CREB3L2: variants seen among roughly 807,000 people sequenced by gnomAD.
The protein encoded by CREB3L2 is cAMP responsive element binding protein 3 like 2, also known as cyclic AMP-responsive element-binding protein 3-like protein 2.
Under a neutral mutation model 57.2 loss-of-function variants are expected in CREB3L2, and 23 were observed. The observed-to-expected ratio is 0.40, with a 90% CI of 0.29 to 0.57. CREB3L2 has a LOEUF of 0.57. Ranked by LOEUF, CREB3L2 falls within the 20% of genes least tolerant of loss-of-function variation. The pLI is 0.42. For missense variants in CREB3L2, 628 were observed against 634.7 expected (o/e 0.99, Z 0.11); for synonymous variants, 268 against 265.1 (o/e 1.01, Z -0.11).
Position 137,912,424 on chromosome 7 carries a change from A to G in CREB3L2, c.583+567T>C, listed in dbSNP as rs374665168. On this transcript the variant is annotated intron_variant, in intron 4 of 11. Transcript: ENST00000330387. ...ATCACCTCAAGGATGTGTTAATTCT[A>G]AATGGATGGATGTCAAGAAGCCCAA... 4.6e-5 allele frequency among the ~76,000 whole-genome samples: 7 copies of G among 152,204 alleles called. No individual in the cohort carries two copies. In the East Asian group the frequency reaches 1.2e-3, roughly 25 times the overall value.
intron 7 of CREB3L2, among the ~76,000 whole-genome samples, chr7:137,903,470 C>T (rs960006570): frequency 2.6e-5 from 4 of 151,678 alleles, no homozygotes; most frequent in African/African-American, 9.7e-5. Context: ...ACAAAGATTG[C>T]CTTCAAGTGT....
intron 3 of CREB3L2, among the ~76,000 whole-genome samples, chr7:137,913,844 C>G (rs996523582): frequency 1.3e-5 from 2 of 152,128 alleles, no homozygotes; most frequent in Admixed American, 6.5e-5. Flanking sequence ...TAGAGCGTAA[C>G]TGTGCATTTG....
chr7:137,903,878 T>C, intron 7 of CREB3L2, 81 bp downstream of exon 7: 1 of 1,227,268 alleles, frequency 8.1e-7, no homozygotes, highest in Non-Finnish European at 1.2e-6. Context: ...GGAATTGAAC[T>C]GCTTCTCCCC....
intron 2 of CREB3L2, 145 bp from the exon 3 acceptor site, chr7:137,916,157 A>T (rs2117220247): frequency 3.3e-6 from 2 of 602,318 alleles, no homozygotes; most frequent in South Asian, 2.4e-5. Flanking sequence ...TATGTGAGGG[A>T]AAAGATTGAT....
At position 137,980,053 on chromosome 7, in the gene CREB3L2, T is replaced by G. The variant is rs180873927; in HGVS notation, c.102+21551A>C. 1.3e-5 allele frequency among the ~76,000 whole-genome samples: 2 copies of G among 152,328 alleles called. No homozygotes were observed. The highest frequency in any genetic ancestry group is 4.8e-5 in the African/African-American group (2 of 41,574). ...GCAGTTCTCAAATTTTACATGCACA[T>G]GGATCATCTGGGGATCTTCAGATTA... On this transcript the variant is annotated intron_variant, in intron 1 of 11. Coordinates refer to ENST00000330387, the MANE Select transcript of CREB3L2 (RefSeq NM_194071.4). The surrounding 1 kb of genome is among the most constrained non-coding windows in gnomAD (Gnocchi z 4.3).
chr7:137,892,384 C>T (rs1026638375), intron 8 of CREB3L2, among the ~76,000 whole-genome samples: 1 of 151,578 alleles, frequency 6.6e-6, no homozygotes, highest in East Asian at 1.9e-4. Flanking sequence ...GGCACGGTAG[C>T]TCATGCCTAT....
chr7:138,001,466 C>T lies in CREB3L2; in HGVS notation c.102+138G>A, dbSNP rs1360037052. ...TCATCTGCTCAGACATTAAAGTACA[C>T]CTCGCCCAGGACCTCTTGATTCTGA... On this transcript the variant is annotated intron_variant, in intron 1 of 11. Coordinates refer to ENST00000330387, the MANE Select transcript of CREB3L2 (RefSeq NM_194071.4). This position sits in a 1 kb window ranked among gnomAD's most constrained non-coding sequence, Gnocchi z 4.2. 8.2e-6 allele frequency: 5 copies of T among 611,328 alleles called. No individual in the cohort carries two copies. The highest frequency in any genetic ancestry group is 6.1e-5 in the South Asian group (3 of 49,076). The allele number at this position is 611,328 out of a possible 1,614,324, so 37.9% of individuals were successfully genotyped here.
chr7:137,922,396 A>ATGTATATATATATATG (rs1800318066), intron 2 of CREB3L2, among the ~76,000 whole-genome samples: 1 of 18,906 alleles, frequency 5.3e-5, no homozygotes, highest in Admixed American at 7.5e-4. Flanking sequence ...ATATATATAT[A>ATGTATATATATATATG]TATATATATA....
intron 2 of CREB3L2, among the ~76,000 whole-genome samples, chr7:137,925,944 C>T (rs1347618947): frequency 2.6e-5 from 4 of 152,202 alleles, no homozygotes; most frequent in Non-Finnish European, 4.4e-5. Flanking sequence ...AAATTACCAG[C>T]ACGGCCTGTC....
At chr7:137,965,779 T>C (rs1006147967) in intron 1 of CREB3L2, among the ~76,000 whole-genome samples, 3 of 152,212 alleles carry the variant, frequency 2.0e-5, no homozygotes, top group Non-Finnish European at 4.4e-5. Context: ...TGGGATTCTA[T>C]GCCTGAGGAG....
chr7:137,966,284 T>C (rs1298287546), intron 1 of CREB3L2, among the ~76,000 whole-genome samples: 1 of 152,248 alleles, frequency 6.6e-6, no homozygotes, highest in African/African-American at 2.4e-5. Flanking sequence ...ATAGATTATA[T>C]GTTACTTGCT....
At chr7:137,918,399 C>A (rs556708832) in intron 2 of CREB3L2, among the ~76,000 whole-genome samples, 8 of 152,174 alleles carry the variant, frequency 5.3e-5, no homozygotes, top group African/African-American at 1.7e-4. Context: ...TCATGTTGAC[C>A]AGGCTGGTCT....
intron 4 of CREB3L2, chr7:137,912,731 A>G: frequency 9.6e-7 from 1 of 1,038,122 alleles, no homozygotes; most frequent in Non-Finnish European, 1.4e-6. Context: ...AAGTTTTGAA[A>G]AATATCACCC....
intron 8 of CREB3L2, among the ~76,000 whole-genome samples, chr7:137,899,096 A>AAGGAAGGAAGGAAGGAAG (rs1799690655): frequency 3.6e-5 from 3 of 83,776 alleles, no homozygotes; most frequent in South Asian, 4.8e-4. Flanking sequence ...AAAAGGAAAG[A>AAGGAAGGAAGGAAGGAAG]GAAGGAAGGA....
chr7:137,933,494 T>C (rs893176627), intron 1 of CREB3L2, among the ~76,000 whole-genome samples: 1 of 152,262 alleles, frequency 6.6e-6, no homozygotes, highest in Non-Finnish European at 1.5e-5. Flanking sequence ...ATAAACGTTC[T>C]CTAACTCTGC....
chr7:137,929,212 G>A lies in CREB3L2; in HGVS notation c.103-846C>T, dbSNP rs116278526. Among the ~76,000 whole-genome samples, 1,027 of 152,052 alleles carry A rather than the reference G, an allele frequency of 6.8e-3. 17 individuals carry two copies. The highest frequency in any genetic ancestry group is 0.024 in the African/African-American group (993 of 41,470). On this transcript the variant is annotated intron_variant, in intron 1 of 11. Transcript: ENST00000330387. The stretch of plus-strand genomic sequence containing the variant: ...TAGGACTAGCCCATATAAATTCCCC[G>A]GGATTCCCATATCCCCTGTGACACT...
intron 6 of CREB3L2, 58 bp downstream of exon 6, chr7:137,905,644 A>T (rs894336758): frequency 1.3e-6 from 2 of 1,578,878 alleles, no homozygotes; most frequent in African/African-American, 2.7e-5. Context: ...AGGGAAAGGG[A>T]TGCTGACTCG....
chr7:137,886,566 G>A (rs1799424831), intron 8 of CREB3L2, among the ~76,000 whole-genome samples: 1 of 143,568 alleles, frequency 7.0e-6, no homozygotes, highest in African/African-American at 2.8e-5. Context: ...GTTCTTAAAC[G>A]CTCACAGCAC....
rs922513266 is a variant in CREB3L2, at chr7:137,878,646, G to A, written c.*1830C>T. 6.4e-5 allele frequency: 15 copies of A among 233,582 alleles called. No individual in the cohort carries two copies. Among genetic ancestry groups the A allele is most frequent in the Non-Finnish European group, 9.3e-5 (11 of 118,506 alleles). The allele number at this position is 233,582 out of a possible 1,614,324, so 14.5% of individuals were successfully genotyped here. ...CAGACAACAGGGCTGCCAGGACTACGGGGGCCCGATCCAGCTTCCACTCAC... is the reference window on the plus strand; with the variant it reads ...CAGACAACAGGGCTGCCAGGACTACAGGGGCCCGATCCAGCTTCCACTCAC... On this transcript the variant is annotated 3_prime_UTR_variant, in exon 12 of 12. Transcript: ENST00000330387.
Sources: gnomAD v4.1 joint callset for allele counts (sites outside exome capture counted in the v4.1 genomes callset) on GRCh38, gnomAD v4.1.1 for gene constraint, Gnocchi (gnomAD v3.1) non-coding constraint, MANE v1.5 for transcripts, NCBI Gene and HGNC (gene_info 2026-07-23, HGNC 2026-07-21) for gene names.